MSTO1: variants seen among roughly 807,000 people sequenced by gnomAD.
MSTO1 encodes the protein protein misato homolog 1.
Under a neutral mutation model 55.7 loss-of-function variants are expected in MSTO1, and 24 were observed. The observed-to-expected ratio is 0.43, with a 90% CI of 0.31 to 0.61. The LOEUF (loss-of-function observed/expected upper bound fraction) is 0.61, where lower values mean the gene tolerates loss of function less well. Among genes scored for constraint, MSTO1 ranks in the 20% least tolerant of loss-of-function variants. The probability of loss-of-function intolerance (pLI) is 0.09; values close to 1 mark genes in which losing one functional copy is unlikely to be tolerated. For synonymous variants in MSTO1, 162 were observed against 252.8 expected, an observed-to-expected ratio of 0.64 and a Z score of 3.41; for missense variants, 363 against 625.7, an observed-to-expected ratio of 0.58 and a Z score of 4.48.
At chr1:155,612,813 G>A (rs373479685) in intron 9 of MSTO1, 31 bp from the exon 10 acceptor site, 1 of 1,612,068 alleles carries the variant, frequency 6.2e-7, no homozygotes, top group Non-Finnish European at 8.5e-7. Context: ...CAGGCCTGAG[G>A]CCAAGTGCCC....
chr1:155,568,751 T>A, the MSTO1 span, among the ~76,000 whole-genome samples: 1 of 152,186 alleles, frequency 6.6e-6, no homozygotes, highest in African/African-American at 2.4e-5. Flanking sequence ...TTTTTTGTTT[T>A]GTTTTGTTTT....
chr1:155,575,796 T>TTATA, the MSTO1 span, among the ~76,000 whole-genome samples: 3 of 144,660 alleles, frequency 2.1e-5, no homozygotes, highest in Non-Finnish European at 4.5e-5. Flanking sequence ...CTTATTTTAT[T>TTATA]TTTATTTATT....
At chr1:155,596,535 A>G in the MSTO1 span, among the ~76,000 whole-genome samples, 1 of 152,208 alleles carries the variant, frequency 6.6e-6, no homozygotes, top group African/African-American at 2.4e-5. Context: ...CTGTAATCCC[A>G]GCACTTTGGG....
chr1:155,614,942 A>G lies in MSTO1; in HGVS notation c.*669A>G, dbSNP rs1011490308. On this transcript the variant is annotated 3_prime_UTR_variant, in exon 14 of 14. Coordinates refer to ENST00000245564, the MANE Select transcript of MSTO1 (RefSeq NM_018116.4). ...AACATTTATGAAGCACTATATATTG[A>G]TTTGCAAAATCTTTTGTTTATTCCA... The G allele has an allele frequency of 7.2e-6, 8 of 1,105,816 alleles. No homozygotes were observed. The highest frequency in any genetic ancestry group is 1.1e-5 in the Non-Finnish European group (8 of 740,960). The allele number at this position is 1,105,816 out of a possible 1,614,324, so 68.5% of individuals were successfully genotyped here.
At chr1:155,593,428 A>G in the MSTO1 span, among the ~76,000 whole-genome samples, 1 of 152,238 alleles carries the variant, frequency 6.6e-6, no homozygotes, top group African/African-American at 2.4e-5. Flanking sequence ...AAAAATAGAT[A>G]TTTTAAAGTG....
the MSTO1 span, among the ~76,000 whole-genome samples, chr1:155,603,233 C>T: frequency 0.1 from 15,252 of 151,610 alleles, 1,008 homozygotes; most frequent in Non-Finnish European, 0.15. Context: ...GGCGTGGTGG[C>T]GTGCACCTGT....
In MSTO1 at chr1:155,612,307, C is replaced by T. The variant is rs1401119828; in HGVS notation, c.804C>T (p.Tyr268=). ...CCTGGGGCCTGCTACCTGGTCCCTA[C>T]CATCGTGGGGTGAGTGGAACTTAGA... ...IITWGLLPGP[Y]HRGEAQRNIY... Residue 268 remains tyrosine (Y), a synonymous_variant, in exon 8 of 14, where the codon TAC becomes TAT. Transcript: ENST00000245564. 10 of 1,581,220 alleles carry T rather than the reference C, an allele frequency of 6.3e-6. No individual in the cohort carries two copies. Among genetic ancestry groups the T allele is most frequent in the Non-Finnish European group, 8.6e-6 (10 of 1,162,438 alleles).
At chr1:155,600,107 G>C in the MSTO1 span, among the ~76,000 whole-genome samples, 1 of 152,176 alleles carries the variant, frequency 6.6e-6, no homozygotes, top group Non-Finnish European at 1.5e-5. Context: ...GCTGGGGAAC[G>C]GTCAGGTCTT....
chr1:155,598,950 G>T, the MSTO1 span: 1 of 1,228,412 alleles, frequency 8.1e-7, no homozygotes, highest in East Asian at 2.4e-5. Context: ...TCTCTGTTAG[G>T]TTCAGTTATC....
chr1:155,565,295 CAAAAA>C, the MSTO1 span, among the ~76,000 whole-genome samples: 1 of 53,576 alleles, frequency 1.9e-5, no homozygotes, highest in Non-Finnish European at 3.8e-5. Context: ...AACTCCTTCT[CAAAAA>C]AAAAAAAAAA....
At chr1:155,599,473 T>C in the MSTO1 span, among the ~76,000 whole-genome samples, 1 of 152,146 alleles carries the variant, frequency 6.6e-6, no homozygotes, top group African/African-American at 2.4e-5. Context: ...CTTTTACTAT[T>C]TATCAGCATT....
the MSTO1 span, among the ~76,000 whole-genome samples, chr1:155,569,118 GTTTT>G: frequency 1.3e-5 from 2 of 151,398 alleles, no homozygotes; most frequent in Non-Finnish European, 2.9e-5. Context: ...CCTCCCAAGG[GTTTT>G]TTATTTTTAT....
At chr1:155,590,331 C>A in the MSTO1 span, among the ~76,000 whole-genome samples, 62 of 152,216 alleles carry the variant, frequency 4.1e-4, no homozygotes, top group Admixed American at 7.2e-4. Context: ...AGTTCCACAG[C>A]TTGACTGGCT....
At chr1:155,585,309 G>A in the MSTO1 span, among the ~76,000 whole-genome samples, 1 of 152,136 alleles carries the variant, frequency 6.6e-6, no homozygotes, top group Non-Finnish European at 1.5e-5. Flanking sequence ...GGATCACGAG[G>A]TCAGGAGATC....
At chr1:155,579,998 C>A in the MSTO1 span, among the ~76,000 whole-genome samples, 1 of 151,568 alleles carries the variant, frequency 6.6e-6, no homozygotes, top group African/African-American at 2.4e-5. Context: ...ATTTCTTGAA[C>A]CCGGGAGGCA....
At chr1:155,606,112 C>T (rs1672929032), upstream of MSTO1, among the ~76,000 whole-genome samples, 1 of 150,278 alleles carries the variant, frequency 6.7e-6, no homozygotes, top group Non-Finnish European at 1.5e-5. Flanking sequence ...CAGTTCAGTG[C>T]AACCTCCACC....
the MSTO1 span, among the ~76,000 whole-genome samples, chr1:155,564,590 T>G: frequency 2.0e-5 from 3 of 152,222 alleles, no homozygotes; most frequent in Admixed American, 2.0e-4. Context: ...TAAGTGTTGT[T>G]TACTTGTTTC....
the MSTO1 span, among the ~76,000 whole-genome samples, chr1:155,580,136 G>A: frequency 1.3e-5 from 2 of 150,842 alleles, no homozygotes; most frequent in African/African-American, 2.4e-5. Context: ...GCTCGCACAT[G>A]TAATCCCAAC....
At chr1:155,589,483 A>G in the MSTO1 span, among the ~76,000 whole-genome samples, 2 of 151,936 alleles carry the variant, frequency 1.3e-5, no homozygotes, top group African/African-American at 4.8e-5. Context: ...AGAGTTTGTT[A>G]AGGAGTATTG....
Sources: allele counts gnomAD v4.1 joint callset (sites outside exome capture counted in the v4.1 genomes callset), GRCh38; gene constraint gnomAD v4.1.1; transcripts MANE v1.5; gene names NCBI Gene and HGNC (gene_info 2026-07-23, HGNC 2026-07-21).